Variants in CHI3L2 observed in about 807,000 individuals in gnomAD.
CHI3L2 encodes the protein chitinase 3 like 2, also known as chitinase-3-like protein 2.
A neutral mutation model predicts 47.3 loss-of-function variants in CHI3L2; 47 were observed. That is an observed-to-expected ratio of 0.99 (90% CI 0.79 to 1.27). CHI3L2 has a LOEUF of 1.27. Ranked by LOEUF, CHI3L2 falls within the 50% of genes most tolerant of loss-of-function variation. The pLI is 0.00. For missense variants in CHI3L2, 497 were observed against 462.1 expected, an observed-to-expected ratio of 1.08 and a Z score of -0.69; for synonymous variants, 198 against 169.9, an observed-to-expected ratio of 1.17 and a Z score of -1.28.
At chr1:111,228,504 G>A (rs929764368) in intron 1 of CHI3L2, among the ~76,000 whole-genome samples, 2 of 152,210 alleles carry the variant, frequency 1.3e-5, no homozygotes, top group Non-Finnish European at 2.9e-5. Context: ...GAGCCCGTAG[G>A]GAGGCCACAC....
At chr1:111,237,918 A>G (rs1157958259) in intron 7 of CHI3L2, among the ~76,000 whole-genome samples, 5 of 152,176 alleles carry the variant, frequency 3.3e-5, no homozygotes, top group African/African-American at 1.2e-4. Context: ...AACATTTACA[A>G]TCTAGTCTTT....
chr1:111,243,254 G>C lies in CHI3L2; in HGVS notation c.*40G>C, dbSNP rs1160518274. ...GAGAAGCAGGCAAGATGACCTTGCT[G>C]CCTGGGGCCTGCTCTCTCCCAGGAA... is the stretch of plus-strand genomic sequence containing the variant. On this transcript the variant is annotated 3_prime_UTR_variant, in exon 11 of 11. Coordinates refer to ENST00000369748, the MANE Select transcript of CHI3L2 (RefSeq NM_004000.3). 2 of 455,926 alleles carry C rather than the reference G, an allele frequency of 4.4e-6. No individual in the cohort carries two copies. The highest frequency in any genetic ancestry group is 4.7e-5 in the Admixed American group (2 of 42,552). 28.2% of individuals were successfully genotyped at this position (455,926 alleles called of 1,614,324 possible).
intron 8 of CHI3L2, among the ~76,000 whole-genome samples, chr1:111,240,058 C>A (rs1660001613): frequency 6.6e-6 from 1 of 151,980 alleles, no homozygotes. Flanking sequence ...AGATGGGTGA[C>A]TGGGGAAGGC....
At chr1:111,228,246 T>C (rs1236540525) in intron 1 of CHI3L2, among the ~76,000 whole-genome samples, 1 of 152,218 alleles carries the variant, frequency 6.6e-6, no homozygotes, top group East Asian at 1.9e-4. Context: ...CTCTGGCTTT[T>C]GTGGTGGCTG....
In CHI3L2 at chr1:111,241,427, A is replaced by G. The variant is rs1429645954; in HGVS notation, c.1019A>G (p.Lys340Arg). ...GNQWVGYDDV[K>R]SMETKVQFLK... ...CAGTGGGTGGGCTATGATGATGTGA[A>G]GAGTATGGAGACCAAGGTAGGTGGG... Residue 340 changes from lysine to arginine, a missense_variant, in exon 9 of 11, where the codon AAG becomes AGG. Physicochemically the swap from Lys to Arg is conservative, Grantham distance 26 (BLOSUM62 2). Coordinates refer to ENST00000369748, the MANE Select transcript of CHI3L2 (RefSeq NM_004000.3). 1.9e-6 allele frequency: 3 copies of G among 1,586,668 alleles called. No individual in the cohort carries two copies. The highest frequency in any genetic ancestry group is 2.7e-5 in the African/African-American group (2 of 74,482).
In CHI3L2 at chr1:111,230,804, A is replaced by G; in HGVS notation, c.133A>G (p.Lys45Glu). Residue 45 changes from lysine to glutamate, a missense_variant, in exon 3 of 11, where the codon AAA becomes GAA. Lys to Glu is a moderately conservative substitution (Grantham distance 56, BLOSUM62 1). Coordinates refer to ENST00000369748, the MANE Select transcript of CHI3L2 (RefSeq NM_004000.3). ...GTCCCAGGACCGGCAGGAACCAGGA[A>G]AATTCACCCCTGAGAATATTGACCC... ...NWSQDRQEPG[K>E]FTPENIDPFL... 1 of 1,614,134 alleles carries G rather than the reference A, an allele frequency of 6.2e-7. No individual in the cohort carries two copies. The highest frequency in any genetic ancestry group is 1.1e-5 in the South Asian group (1 of 91,078).
At chr1:111,235,598 G>A in intron 5 of CHI3L2, 41 bp from the exon 6 acceptor site, 8 of 1,600,304 alleles carry the variant, frequency 5.0e-6, no homozygotes, top group Non-Finnish European at 6.0e-6. Flanking sequence ...ACTGTACTCT[G>A]GGAAGGGGAA....
At chr1:111,235,530 A>T (rs1659854171) in intron 5 of CHI3L2, 109 bp from the exon 6 acceptor site, 4 of 1,292,716 alleles carry the variant, frequency 3.1e-6, no homozygotes, top group African/African-American at 1.5e-5. Flanking sequence ...GAAAGGGTTG[A>T]TCCTTTCCAT....
intron 7 of CHI3L2, among the ~76,000 whole-genome samples, chr1:111,237,820 G>T (rs1021659164): frequency 1.3e-5 from 2 of 152,182 alleles, no homozygotes; most frequent in Admixed American, 1.3e-4. Context: ...GGGAAGTTGG[G>T]TGTCAGACAT....
chr1:111,242,904 C>T (rs1376921401), intron 10 of CHI3L2, among the ~76,000 whole-genome samples: 1 of 152,186 alleles, frequency 6.6e-6, no homozygotes, highest in African/African-American at 2.4e-5. Flanking sequence ...CTGCTCCATC[C>T]CTGGGCCCCC....
At chr1:111,235,580 A>C (rs1659855553) in intron 5 of CHI3L2, 59 bp from the exon 6 acceptor site, 1 of 1,546,854 alleles carries the variant, frequency 6.5e-7, no homozygotes, top group Non-Finnish European at 8.7e-7. Context: ...CCAGGCAAGA[A>C]GCTTAGCACT....
intron 10 of CHI3L2, 76 bp from the exon 11 acceptor site, chr1:111,243,141 A>T: frequency 2.2e-6 from 1 of 456,046 alleles, no homozygotes; most frequent in Non-Finnish European, 4.4e-6. Flanking sequence ...AACTCTGAGC[A>T]TCCATTGTTT....
intron 10 of CHI3L2, 33 bp downstream of exon 10, chr1:111,242,399 G>A: frequency 6.4e-7 from 1 of 1,569,676 alleles, no homozygotes; most frequent in East Asian, 2.2e-5. Flanking sequence ...GGAGTGGGCA[G>A]ACAGCTGGGC....
chr1:111,239,939 C>T (rs1393968466), intron 8 of CHI3L2, among the ~76,000 whole-genome samples: 1 of 152,078 alleles, frequency 6.6e-6, no homozygotes, highest in Non-Finnish European at 1.5e-5. Context: ...GCTAGTTAAA[C>T]AAGAGTTCAA....
chr1:111,236,575 A>G (rs1463573638), intron 7 of CHI3L2, among the ~76,000 whole-genome samples: 1 of 152,168 alleles, frequency 6.6e-6, no homozygotes, highest in Non-Finnish European at 1.5e-5. Flanking sequence ...TTCACAGATG[A>G]TGAAACAGAA....
At position 111,242,346 on chromosome 1, in the gene CHI3L2, A is replaced by G. The variant is rs760236361; in HGVS notation, c.1155A>G (p.Arg385=). Residue 385 remains arginine (R), a synonymous_variant, in exon 10 of 11, where the codon AGA becomes AGG. Coordinates refer to ENST00000369748, the MANE Select transcript of CHI3L2 (RefSeq NM_004000.3). ...ACCCTCTTGTCCAAGCAGTCAAGAG[A>G]AGCCTTGGCTCCCTGTGAAGGTAAC... ...GPYPLVQAVK[R]SLGSL 6.2e-7 allele frequency: 1 copy of G among 1,610,682 alleles called. No homozygotes were observed. Among genetic ancestry groups the G allele is most frequent in the African/African-American group, 1.3e-5 (1 of 74,752 alleles).
chr1:111,228,555 CCA>C (rs1311163034), intron 1 of CHI3L2, among the ~76,000 whole-genome samples: 3 of 152,290 alleles, frequency 2.0e-5, no homozygotes, highest in Non-Finnish European at 4.4e-5. Flanking sequence ...AGTGGATGTG[CCA>C]CAGAGAATTT....
intron 8 of CHI3L2, 73 bp downstream of exon 8, chr1:111,239,005 A>G (rs1376112190): frequency 5.7e-6 from 8 of 1,402,974 alleles, no homozygotes; most frequent in South Asian, 5.7e-5. Context: ...ATTTGACAGC[A>G]GAGTAAAGCA....
At chr1:111,240,261 A>G (rs1660008553) in intron 8 of CHI3L2, among the ~76,000 whole-genome samples, 1 of 152,202 alleles carries the variant, frequency 6.6e-6, no homozygotes, top group Non-Finnish European at 1.5e-5. Flanking sequence ...ATTCAGTGTA[A>G]TGCTCAATTT....
Sources: allele counts gnomAD v4.1 joint callset (sites outside exome capture counted in the v4.1 genomes callset), GRCh38; gene constraint gnomAD v4.1.1; transcripts MANE v1.5; gene names NCBI Gene and HGNC (gene_info 2026-07-23, HGNC 2026-07-21).